RALGAPA2: variants seen among roughly 807,000 people sequenced by gnomAD.
RALGAPA2 encodes the protein Ral GTPase activating protein catalytic subunit alpha 2.
RALGAPA2 carries 139 observed loss-of-function variants against 230.4 expected under a neutral mutation model. The ratio of observed to expected loss-of-function variants is 0.60; its 90% CI spans 0.53 to 0.69. The LOEUF is 0.69. Among genes scored for constraint, RALGAPA2 ranks in the 30% least tolerant of loss-of-function variants. RALGAPA2 has a pLI of 0.00. For synonymous variants in RALGAPA2, 847 were observed against 837.8 expected (o/e 1.01, Z -0.19); for missense variants, 2,163 against 2,276.0 (o/e 0.95, Z 1.01).
intron 3 of RALGAPA2, among the ~76,000 whole-genome samples, chr20:20,671,740 C>T (rs1271395463): frequency 6.6e-6 from 1 of 152,118 alleles, no homozygotes; most frequent in Non-Finnish European, 1.5e-5. Context: ...TAACACCCTC[C>T]CTAGTCTAGA....
In RALGAPA2 at chr20:20,629,362, C is replaced by A; in HGVS notation, c.1233+1G>T. On this transcript the variant is annotated splice_donor_variant, in intron 10 of 39. Coordinates refer to ENST00000202677, the MANE Select transcript of RALGAPA2 (RefSeq NM_020343.4). LOFTEE classifies it high-confidence loss of function. ...ACACACACACACACACACACACTAA[C>A]CTGGTGAAATACTTCATTCACGAAG... 1.3e-6 allele frequency: 2 copies of A among 1,555,854 alleles called. No homozygotes were observed. Among genetic ancestry groups the A allele is most frequent in the Non-Finnish European group, 1.8e-6 (2 of 1,142,736 alleles).
At chr20:20,551,009 C>G (rs2063909438) in intron 23 of RALGAPA2, among the ~76,000 whole-genome samples, 1 of 152,164 alleles carries the variant, frequency 6.6e-6, no homozygotes, top group African/African-American at 2.4e-5. Flanking sequence ...TCGCACATTA[C>G]CCCAGAAATT....
At chr20:20,663,371 A>G (rs560082946) in intron 3 of RALGAPA2, among the ~76,000 whole-genome samples, 100 of 152,310 alleles carry the variant, frequency 6.6e-4, no homozygotes, top group African/African-American at 2.3e-3. Context: ...CACAGATAGT[A>G]CCAAACCCTA....
intron 1 of RALGAPA2, among the ~76,000 whole-genome samples, chr20:20,704,140 T>A (rs2069505863): frequency 1.3e-5 from 2 of 152,112 alleles, no homozygotes; most frequent in African/African-American, 4.8e-5. Flanking sequence ...GAAGCCATGG[T>A]GTGAGAACTC....
chr20:20,551,089 T>C (rs2063911962), intron 23 of RALGAPA2, among the ~76,000 whole-genome samples: 1 of 152,190 alleles, frequency 6.6e-6, no homozygotes, highest in South Asian at 2.1e-4. Flanking sequence ...AGCCATAGTG[T>C]TTTACAAGGC....
At chr20:20,544,941 G>A (rs771716250) in intron 24 of RALGAPA2, among the ~76,000 whole-genome samples, 5 of 152,130 alleles carry the variant, frequency 3.3e-5, no homozygotes, top group Non-Finnish European at 5.9e-5. Context: ...GATGGGTGCA[G>A]CAAACCACCA....
intron 1 of RALGAPA2, among the ~76,000 whole-genome samples, chr20:20,702,228 T>C (rs558777916): frequency 1.3e-5 from 2 of 152,166 alleles, no homozygotes; most frequent in South Asian, 4.1e-4. Flanking sequence ...GGAAAAACTG[T>C]AGATGGCAGG....
chr20:20,513,366 AG>A, intron 31 of RALGAPA2, 82 bp from the exon 32 acceptor site: 1 of 567,914 alleles, frequency 1.8e-6, no homozygotes, highest in Non-Finnish European at 2.5e-6. Context: ...GGTGGGGGGC[AG>A]GGGGCAGTTC....
intron 9 of RALGAPA2, among the ~76,000 whole-genome samples, chr20:20,629,901 ATG>A (rs2066614790): frequency 1.3e-5 from 2 of 152,366 alleles, no homozygotes; most frequent in South Asian, 4.1e-4. Flanking sequence ...GAATAAATTA[ATG>A]TGTAAAAACA....
chr20:20,512,242 C>CACAT (rs1556256090), intron 32 of RALGAPA2, among the ~76,000 whole-genome samples: 2 of 116,466 alleles, frequency 1.7e-5, no homozygotes, highest in African/African-American at 6.5e-5. Context: ...CACACACATA[C>CACAT]ACACACACAC....
At chr20:20,413,006 A>G (rs1479640499) in intron 37 of RALGAPA2, among the ~76,000 whole-genome samples, 4 of 152,216 alleles carry the variant, frequency 2.6e-5, no homozygotes, top group Non-Finnish European at 5.9e-5. Context: ...CAATCCCACA[A>G]TGGATGGAGG....
Position 20,616,075 on chromosome 20 carries a change from C to T in RALGAPA2, c.1656G>A (p.Met552Ile). The T allele has an allele frequency of 1.9e-6, 3 of 1,547,942 alleles. No homozygotes were observed. Among genetic ancestry groups the T allele is most frequent in the Non-Finnish European group, 2.6e-6 (3 of 1,146,274 alleles). ...CKAVLIIFRRMIMELTMNKKT... is the reference protein window; with the variant it reads ...CKAVLIIFRRIIMELTMNKKT... The stretch of plus-strand genomic sequence containing the variant: ...TTTTATTCATTGTAAGCTCCATTAT[C>T]ATGCGCCTAAAAATAATCAAAACAG... Residue 552 changes from methionine to isoleucine, a missense_variant, in exon 13 of 40, where the codon ATG (methionine) becomes ATA (isoleucine). Coordinates refer to ENST00000202677, the MANE Select transcript of RALGAPA2 (RefSeq NM_020343.4).
At chr20:20,446,914 C>A (rs2060877617) in intron 37 of RALGAPA2, among the ~76,000 whole-genome samples, 1 of 152,196 alleles carries the variant, frequency 6.6e-6, no homozygotes, top group South Asian at 2.1e-4. Flanking sequence ...AACTCTCAGG[C>A]TGCCATAGTT....
In RALGAPA2 at chr20:20,468,297, C is replaced by A. The variant is rs1010625525; in HGVS notation, c.5495+4532G>T. ...ACTACAGCTATATTTTGCTTTGGGC[C>A]TGTTTAGAAATTTGGATTAGAAAAG... On this transcript the variant is annotated intron_variant, in intron 37 of 39. Coordinates refer to ENST00000202677, the MANE Select transcript of RALGAPA2 (RefSeq NM_020343.4). Among the ~76,000 whole-genome samples, 4 of 152,232 alleles carry A rather than the reference C, an allele frequency of 2.6e-5. No homozygotes were observed. The East Asian group carries it at 7.7e-4, about 29-fold the overall frequency.
chr20:20,465,726 G>A (rs1280486590), intron 37 of RALGAPA2, among the ~76,000 whole-genome samples: 3 of 152,070 alleles, frequency 2.0e-5, no homozygotes, highest in Admixed American at 6.5e-5. Context: ...CACTTCTCAC[G>A]GGCCTCATTT....
chr20:20,630,809 G>A (rs928113156), intron 9 of RALGAPA2, among the ~76,000 whole-genome samples: 1 of 151,960 alleles, frequency 6.6e-6, no homozygotes, highest in East Asian at 1.9e-4. Context: ...ATATACACAC[G>A]CATATATGTT....
At chr20:20,531,482 G>C (rs1014864341) in intron 27 of RALGAPA2, among the ~76,000 whole-genome samples, 2 of 152,240 alleles carry the variant, frequency 1.3e-5, no homozygotes, top group African/African-American at 4.8e-5. Context: ...GGTCCAGGAA[G>C]ACTCGAGACA....
intron 24 of RALGAPA2, among the ~76,000 whole-genome samples, chr20:20,537,276 A>G (rs993421342): frequency 1.3e-5 from 2 of 152,318 alleles, no homozygotes; most frequent in African/African-American, 4.8e-5. Flanking sequence ...CTATATCACT[A>G]TATCTAGTGA....
At chr20:20,626,882 T>A (rs2066504735) in intron 10 of RALGAPA2, among the ~76,000 whole-genome samples, 1 of 152,208 alleles carries the variant, frequency 6.6e-6, no homozygotes, top group South Asian at 2.1e-4. Flanking sequence ...GACAGAGACG[T>A]ACGATCCACG....
Sources: allele counts gnomAD v4.1 joint callset (sites outside exome capture counted in the v4.1 genomes callset), GRCh38; gene constraint gnomAD v4.1.1; transcripts MANE v1.5; gene names NCBI Gene and HGNC (gene_info 2026-07-23, HGNC 2026-07-21).